The following POU6F2 variants were observed in gnomAD, a reference collection of about 807,000 sequenced individuals.
POU6F2 encodes POU domain, class 6, transcription factor 2.
Under a neutral mutation model 71.3 loss-of-function variants are expected in POU6F2, and 31 were observed. The observed-to-expected ratio is 0.43, with a 90% CI of 0.33 to 0.59. The LOEUF is 0.59. Among genes scored for constraint, POU6F2 ranks in the 20% least tolerant of loss-of-function variants. The probability of loss-of-function intolerance (pLI) is 0.04; values close to 1 mark genes in which losing one functional copy is unlikely to be tolerated. For missense variants in POU6F2, 783 were observed against 856.8 expected (o/e 0.91, Z 1.07); for synonymous variants, 347 against 355.7 (o/e 0.98, Z 0.27).
chr7:38,989,397 A>C (rs1012156461), intron 1 of POU6F2, among the ~76,000 whole-genome samples: 2 of 152,024 alleles, frequency 1.3e-5, no homozygotes, highest in African/African-American at 4.8e-5. Context: ...TATTAAAATT[A>C]TCACCTTTAG....
intron 2 of POU6F2, among the ~76,000 whole-genome samples, chr7:39,167,818 A>C (rs766080697): frequency 6.6e-6 from 1 of 151,580 alleles, no homozygotes; most frequent in Non-Finnish European, 1.5e-5. Flanking sequence ...CCAATTCTTC[A>C]TTGTCTTCAA....
At chr7:39,065,418 GATAA>G (rs973384982) in intron 1 of POU6F2, among the ~76,000 whole-genome samples, 2 of 151,596 alleles carry the variant, frequency 1.3e-5, no homozygotes, top group African/African-American at 4.8e-5. Context: ...TTTTTAAACG[GATAA>G]ATAAATTCAC....
intron 2 of POU6F2, among the ~76,000 whole-genome samples, chr7:39,203,052 T>A (rs899701024): frequency 2.6e-5 from 4 of 152,250 alleles, no homozygotes; most frequent in South Asian, 2.1e-4. Flanking sequence ...GTGGTAGAGA[T>A]AGAAGTCAAT....
chr7:39,047,712 T>A (rs952161998), intron 1 of POU6F2, among the ~76,000 whole-genome samples: 1 of 151,568 alleles, frequency 6.6e-6, no homozygotes, highest in East Asian at 1.9e-4. Context: ...TCTGTAGACA[T>A]TGAGGAAATT....
chr7:39,225,860 CAT>C (rs1409683387), intron 4 of POU6F2, among the ~76,000 whole-genome samples: 1 of 151,554 alleles, frequency 6.6e-6, no homozygotes, highest in East Asian at 1.9e-4. Flanking sequence ...TGTTTGACCA[CAT>C]GTGATTTCAT....
chr7:39,405,462 C>T (rs573641504), intron 5 of POU6F2, among the ~76,000 whole-genome samples: 2 of 152,040 alleles, frequency 1.3e-5, no homozygotes, highest in South Asian at 4.2e-4. Flanking sequence ...TAGTCTTAGT[C>T]GTGGCAGGTT....
intron 7 of POU6F2, among the ~76,000 whole-genome samples, chr7:39,444,539 G>A (rs1354090830): frequency 9.2e-5 from 14 of 152,220 alleles, no homozygotes; most frequent in East Asian, 1.9e-4. Context: ...ACCCGAGATC[G>A]CACCACTGCA....
At chr7:39,220,984 A>G (rs1410233808) in intron 4 of POU6F2, among the ~76,000 whole-genome samples, 6 of 152,286 alleles carry the variant, frequency 3.9e-5, no homozygotes, top group Non-Finnish European at 7.4e-5. Flanking sequence ...TTATATATTG[A>G]TAATGTGTTG....
intron 4 of POU6F2, 118 bp from the exon 5 acceptor site, chr7:39,339,524 G>A (rs1785861751): frequency 7.3e-7 from 1 of 1,362,308 alleles, no homozygotes. Flanking sequence ...GCTTCAGGGG[G>A]CAAGGACAAG....
chr7:38,980,079 A>C (rs1314990868), intron 1 of POU6F2, among the ~76,000 whole-genome samples: 1 of 152,180 alleles, frequency 6.6e-6, no homozygotes, highest in Non-Finnish European at 1.5e-5. Context: ...TGTACTCTTT[A>C]GTATAATTGT....
intron 2 of POU6F2, among the ~76,000 whole-genome samples, chr7:39,134,098 A>T (rs1163292159): frequency 6.6e-6 from 1 of 151,710 alleles, no homozygotes; most frequent in Non-Finnish European, 1.5e-5. Flanking sequence ...CTGGTTTCAA[A>T]CTCCTGGGCT....
intron 1 of POU6F2, among the ~76,000 whole-genome samples, chr7:39,058,928 T>A (rs1314360781): frequency 6.6e-6 from 1 of 152,184 alleles, no homozygotes; most frequent in Non-Finnish European, 1.5e-5. Flanking sequence ...ATTATATTTA[T>A]GAAAACAACC....
At chr7:39,382,128 TTAAGTTCTGA>T (rs2115798409) in intron 5 of POU6F2, among the ~76,000 whole-genome samples, 1 of 152,242 alleles carries the variant, frequency 6.6e-6, no homozygotes, top group East Asian at 1.9e-4. Flanking sequence ...GAGAAATCAC[TTAAGTTCTGA>T]CCCAGATCCA....
At chr7:39,196,811 T>C (rs1413720099) in intron 2 of POU6F2, among the ~76,000 whole-genome samples, 3 of 152,162 alleles carry the variant, frequency 2.0e-5, no homozygotes, top group Non-Finnish European at 2.9e-5. Flanking sequence ...AGCAACTTTC[T>C]TGAAGCAGTT....
At chr7:39,074,082 C>T (rs1031826824) in intron 1 of POU6F2, among the ~76,000 whole-genome samples, 1 of 152,238 alleles carries the variant, frequency 6.6e-6, no homozygotes. Flanking sequence ...GGCATGGTGG[C>T]TTACGCCTGT....
chr7:39,433,215 G>A lies in POU6F2; in HGVS notation c.1252G>A (p.Gly418Arg). ...GGGCCAGATCATCGCCACAGTCATT[G>A]GGAACCAGATCCTGCCCGTGATCAA... ...AQGQIIATVI[G>R]NQILPVINTQ... Residue 418 changes from glycine (G) to arginine (R), a missense_variant, in exon 7 of 10, where the codon GGG (glycine) becomes AGG (arginine). Gly to Arg is a moderately radical substitution (Grantham distance 125). This residue lies in a region of POU6F2 where 572 missense variants were observed against 572.9 expected (regional missense o/e 1.00). Transcript: ENST00000518318. 2.5e-6 allele frequency: 4 copies of A among 1,613,578 alleles called. No homozygotes were observed. The highest frequency in any genetic ancestry group is 3.4e-6 in the Non-Finnish European group (4 of 1,179,780).
At chr7:39,099,835 GTGAC>G (rs1284365861) in intron 2 of POU6F2, among the ~76,000 whole-genome samples, 2 of 152,196 alleles carry the variant, frequency 1.3e-5, no homozygotes. Context: ...GGTCTGAGAA[GTGAC>G]TTATTCTGAT....
intron 2 of POU6F2, among the ~76,000 whole-genome samples, chr7:39,135,884 G>A (rs1390032583): frequency 6.6e-6 from 1 of 152,104 alleles, no homozygotes; most frequent in East Asian, 1.9e-4. Flanking sequence ...CAATCCAGGA[G>A]CACCGCTAAA....
At position 39,424,948 on chromosome 7, in the gene POU6F2, A is replaced by G. The variant is rs192215303; in HGVS notation, c.1114-8129A>G. Among the ~76,000 whole-genome samples the G allele has an allele frequency of 3.5e-3, 534 of 152,204 alleles. 6 individuals carry two copies. The highest frequency in any genetic ancestry group is 0.011 in the South Asian group (52 of 4,810). On this transcript the variant is annotated intron_variant, in intron 6 of 9. Transcript: ENST00000518318. ...CGAGGCTGCTAACTTTATTTTGCCAAAGGACCCGAGAAATATTCAAGTCCG... is the reference window on the plus strand; with the variant it reads ...CGAGGCTGCTAACTTTATTTTGCCAGAGGACCCGAGAAATATTCAAGTCCG...
Sources: gnomAD v4.1 joint callset for allele counts (sites outside exome capture counted in the v4.1 genomes callset) on GRCh38, gnomAD v4.1.1 for gene constraint, gnomAD v4.1.1 regional missense constraint, MANE v1.5 for transcripts, NCBI Gene and HGNC (gene_info 2026-07-23, HGNC 2026-07-21) for gene names.